Variants in MTOR observed in about 807,000 individuals in gnomAD.
MTOR encodes serine/threonine-protein kinase mTOR.
Under a neutral mutation model 319.8 loss-of-function variants are expected in MTOR, and 70 were observed. The ratio of observed to expected loss-of-function variants is 0.22; its 90% confidence interval spans 0.18 to 0.27. MTOR has a LOEUF of 0.27. MTOR is among the 10% of genes least tolerant of loss of function. The pLI, the probability that MTOR is intolerant of heterozygous loss-of-function variation, is 1.00. For synonymous variants in MTOR, 1,183 were observed against 1,211.4 expected, an observed-to-expected ratio of 0.98 and a Z score of 0.49; for missense variants, 1,890 against 3,274.4, an observed-to-expected ratio of 0.58 and a Z score of 10.32.
At chr1:11,255,382 C>CCA (rs1650243159) in intron 5 of MTOR, among the ~76,000 whole-genome samples, 4 of 98,214 alleles carry the variant, frequency 4.1e-5, no homozygotes, top group South Asian at 5.8e-4. Context: ...ACTCCATCTC[C>CCA]AAAAAAAAAA....
Position 11,256,285 on chromosome 1 carries a change from C to T in MTOR, c.505-93G>A, listed in dbSNP as rs75596628. The T allele has an allele frequency of 2.2e-3, 3,278 of 1,496,042 alleles. 25 individuals carry two copies. In the African/African-American group the frequency reaches 0.024, roughly 11 times the overall value. The allele number at this position is 1,496,042 out of a possible 1,614,324, so 92.7% of individuals were successfully genotyped here. A position where few individuals can be genotyped will look rare whatever the true frequency, so the allele number is the denominator to read the frequency against. ...CTTGTCATCTTAGAGCCATACACAC[C>T]AGGAACAGAGAAGGCTTGCTCACTC... On this transcript the variant is annotated intron_variant, in intron 4 of 57. Coordinates refer to ENST00000361445, the MANE Select transcript of MTOR (RefSeq NM_004958.4).
intron 29 of MTOR, among the ~76,000 whole-genome samples, chr1:11,162,079 A>G (rs1305527984): frequency 6.6e-6 from 1 of 152,222 alleles, no homozygotes; most frequent in African/African-American, 2.4e-5. Flanking sequence ...TGGTGTAGAG[A>G]AGACATTAAA....
chr1:11,242,987 TA>T, intron 9 of MTOR, 126 bp downstream of exon 9: 1 of 879,478 alleles, frequency 1.1e-6, no homozygotes, highest in Non-Finnish European at 1.7e-6. Context: ...CTGTTCTTCA[TA>T]TGATTTGCTA....
intron 29 of MTOR, among the ~76,000 whole-genome samples, chr1:11,160,032 A>AT (rs1373513209): frequency 6.6e-6 from 1 of 152,186 alleles, no homozygotes; most frequent in Non-Finnish European, 1.5e-5. Flanking sequence ...TATGTAAGCA[A>AT]TAACGAACAC....
At chr1:11,173,440 T>G (rs1043381482) in intron 28 of MTOR, among the ~76,000 whole-genome samples, 8 of 151,236 alleles carry the variant, frequency 5.3e-5, no homozygotes, top group African/African-American at 1.9e-4. Context: ...CCACACACAT[T>G]ATTATTTTTT....
In MTOR at chr1:11,195,042, C is replaced by A. The variant is rs752430971; in HGVS notation, c.4253+4216G>T. On this transcript the variant is annotated intron_variant, in intron 28 of 57. Transcript: ENST00000361445. ...GCCTTAAAAGGAGGCTGCCGTGGAG[C>A]ACGGATACAGAAACTGAGACACGTG... The A allele has an allele frequency of 3.1e-6, 5 of 1,611,056 alleles. No homozygotes were observed. In the African/African-American group the frequency reaches 6.7e-5, roughly 22 times the overall value.
intron 19 of MTOR, among the ~76,000 whole-genome samples, chr1:11,227,113 C>T (rs1646864558): frequency 6.6e-6 from 1 of 151,484 alleles, no homozygotes; most frequent in Admixed American, 6.6e-5. Flanking sequence ...GCCTGGCAAA[C>T]ATGGCGAAAC....
In MTOR at chr1:11,121,343, G is replaced by A; in HGVS notation, c.6836C>T (p.Thr2279Ile). The A allele has an allele frequency of 6.2e-7, 1 of 1,614,154 alleles. No individual in the cohort carries two copies. The highest frequency in any genetic ancestry group is 8.5e-7 in the Non-Finnish European group (1 of 1,180,032). Residue 2279 changes from threonine to isoleucine, a missense_variant, in exon 49 of 58, where the codon ACT becomes ATT. By Grantham distance (89) the Thr-to-Ile change is moderately conservative. Transcript: ENST00000361445. This position sits in a 1 kb window ranked among gnomAD's most constrained non-coding sequence, Gnocchi z 4.9. ...AAACACCTCCACCTTCTGCATCAGA[G>A]TCAAGTGGTCATAGTCCGGAGCCAT... ...LRMAPDYDHL[T>I]LMQKVEVFEH... is the part of the protein sequence containing the mutation.
intron 29 of MTOR, among the ~76,000 whole-genome samples, chr1:11,166,571 G>T (rs945621254): frequency 6.6e-6 from 1 of 152,126 alleles, no homozygotes; most frequent in African/African-American, 2.4e-5. Flanking sequence ...TTAGAATGAC[G>T]ATCATTAAAA....
At chr1:11,179,618 G>A (rs1645085144) in intron 28 of MTOR, among the ~76,000 whole-genome samples, 1 of 152,160 alleles carries the variant, frequency 6.6e-6, no homozygotes, top group African/African-American at 2.4e-5. Flanking sequence ...CCTTCCCTGG[G>A]GTTCATAAGA....
chr1:11,261,531 C>T (rs1031761863), intron 1 of MTOR, among the ~76,000 whole-genome samples: 1 of 152,070 alleles, frequency 6.6e-6, no homozygotes, highest in Non-Finnish European at 1.5e-5. Context: ...CTCAATTATG[C>T]CCACACTGCC....
intron 36 of MTOR, among the ~76,000 whole-genome samples, chr1:11,135,830 CA>C (rs35270684): frequency 0.063 from 8,818 of 139,042 alleles, 364 homozygotes; most frequent in South Asian, 0.14. Context: ...GAGACTGTCT[CA>C]AAAAAAAAAG....
chr1:11,134,269 G>T, intron 37 of MTOR, 82 bp downstream of exon 37: 2 of 1,261,048 alleles, frequency 1.6e-6, no homozygotes, highest in Non-Finnish European at 2.3e-6. Context: ...CACCCAAGAA[G>T]CCTTGAACTC....
chr1:11,224,971 C>T (rs559079411), intron 19 of MTOR, among the ~76,000 whole-genome samples: 9 of 152,262 alleles, frequency 5.9e-5, no homozygotes, highest in African/African-American at 2.2e-4. Context: ...TATTCTATGA[C>T]ACCAATTACA....
chr1:11,229,171 G>C (rs1258418038), intron 18 of MTOR, among the ~76,000 whole-genome samples: 1 of 152,122 alleles, frequency 6.6e-6, no homozygotes, highest in African/African-American at 2.4e-5. Context: ...TGATGGGTTG[G>C]TTTTCTCTAA....
chr1:11,249,461 C>T (rs928118228), intron 6 of MTOR, among the ~76,000 whole-genome samples: 29 of 148,548 alleles, frequency 2.0e-4, no homozygotes, highest in South Asian at 6.5e-4. Context: ...GGGTGTTTCT[C>T]GCAGAGGGGG....
chr1:11,177,817 C>T (rs1337886129), intron 28 of MTOR, among the ~76,000 whole-genome samples: 1 of 151,916 alleles, frequency 6.6e-6, no homozygotes. Flanking sequence ...CTCATCTTTT[C>T]AAGATTGGTG....
In MTOR at chr1:11,230,909, GC is replaced by G. The variant is rs750249626; in HGVS notation, c.2779+15del. The G allele has an allele frequency of 1.5e-5, 25 of 1,613,156 alleles. No individual in the cohort carries two copies. In the African/African-American group the frequency reaches 3.2e-4, roughly 21 times the overall value. ...GTGAGAACTTGGCAAGTCTTTCATG[GC>G]TACCCCCAACTTACAGGAATCCTGA... is the stretch of plus-strand genomic sequence containing the variant. On this transcript the variant is annotated intron_variant, in intron 18 of 57. Coordinates refer to ENST00000361445, the MANE Select transcript of MTOR (RefSeq NM_004958.4).
chr1:11,209,630 T>C (rs1162217306), intron 24 of MTOR, among the ~76,000 whole-genome samples, 172 bp from the exon 25 acceptor site: 3 of 152,152 alleles, frequency 2.0e-5, no homozygotes, highest in Admixed American at 2.0e-4. Flanking sequence ...TCCCCAACTG[T>C]AGACAGTCTT....
Sources: allele counts gnomAD v4.1 joint callset (sites outside exome capture counted in the v4.1 genomes callset), GRCh38; gene constraint gnomAD v4.1.1; non-coding constraint Gnocchi (gnomAD v3.1); transcripts MANE v1.5; gene names NCBI Gene and HGNC (gene_info 2026-07-23, HGNC 2026-07-21).